MAP3K10: variants seen among roughly 807,000 people sequenced by gnomAD.
MAP3K10 encodes the protein MKN28 derived nonreceptor_type serine/threonine kinase.
Under a neutral mutation model 75.0 loss-of-function variants are expected in MAP3K10, and 22 were observed. That is an observed-to-expected ratio of 0.29 (90% CI 0.21 to 0.42). The LOEUF is 0.42. Among genes scored for constraint, MAP3K10 ranks in the 10% least tolerant of loss-of-function variants. The pLI is 1.00. For synonymous variants in MAP3K10, 599 were observed against 612.9 expected (o/e 0.98, Z 0.34); for missense variants, 1,165 against 1,379.8 (o/e 0.84, Z 2.47).
chr19:40,196,149 A>G (rs1227650017), intron 1 of MAP3K10, among the ~76,000 whole-genome samples: 1 of 152,206 alleles, frequency 6.6e-6, no homozygotes, highest in Admixed American at 6.5e-5. Context: ...AGGGTTATGC[A>G]CCTAGGAAGA....
At chr19:40,194,392 C>G (rs560830860) in intron 1 of MAP3K10, among the ~76,000 whole-genome samples, 1 of 152,076 alleles carries the variant, frequency 6.6e-6, no homozygotes. Flanking sequence ...CACGATGTGC[C>G]AGAGCTGGTG....
In MAP3K10 at chr19:40,213,323, C is replaced by T. The variant is rs573454644; in HGVS notation, c.1837+135C>T. 5.6e-5 allele frequency: 82 copies of T among 1,452,420 alleles called. No homozygotes were observed. The African/African-American group carries it at 9.3e-4, about 16-fold the overall frequency. The allele number at this position is 1,452,420 out of a possible 1,614,324, so 90.0% of individuals were successfully genotyped here. On this transcript the variant is annotated intron_variant, in intron 8 of 9. Coordinates refer to ENST00000253055, the MANE Select transcript of MAP3K10 (RefSeq NM_002446.4). This position sits in a 1 kb window ranked among gnomAD's most constrained non-coding sequence, Gnocchi z 5.7. ...TTCCTGGGAAGGGAGATGGTGGCCC[C>T]TGGGGCGTGGGGGGTCATTTCCAGG...
Position 40,205,313 on chromosome 19 carries a change from A to G in MAP3K10, c.1188+17A>G. The G allele has an allele frequency of 1.2e-6, 2 of 1,613,398 alleles. No homozygotes were observed. The highest frequency in any genetic ancestry group is 1.7e-6 in the Non-Finnish European group (2 of 1,179,704). The stretch of plus-strand genomic sequence containing the variant: ...AAGGAGAAGGTGAAGGCAGGGGGCA[A>G]GGTGGGAAAGATGGAGCAAGACCCC... On this transcript the variant is annotated intron_variant, in intron 4 of 9. Coordinates refer to ENST00000253055, the MANE Select transcript of MAP3K10 (RefSeq NM_002446.4). This position sits in a 1 kb window ranked among gnomAD's most constrained non-coding sequence, Gnocchi z 4.3.
intron 5 of MAP3K10, among the ~76,000 whole-genome samples, chr19:40,207,351 G>C (rs912162963): frequency 2.0e-5 from 3 of 152,140 alleles, no homozygotes; most frequent in Non-Finnish European, 2.9e-5. Flanking sequence ...GCAGTGGCCA[G>C]TGGAAATATA....
At chr19:40,202,109 C>T (rs970599838) in intron 2 of MAP3K10, among the ~76,000 whole-genome samples, 1 of 152,112 alleles carries the variant, frequency 6.6e-6, no homozygotes, top group Non-Finnish European at 1.5e-5. Flanking sequence ...GGCACGATCT[C>T]AGCTCACTGC....
chr19:40,192,483 C>A lies in MAP3K10; in HGVS notation c.452C>A (p.Ala151Asp). 1 of 1,613,848 alleles carries A rather than the reference C, an allele frequency of 6.2e-7. No individual in the cohort carries two copies. Among genetic ancestry groups the A allele is most frequent in the Non-Finnish European group, 8.5e-7 (1 of 1,179,978 alleles). The change falls in exon 1 of 10, where the codon GCC becomes GAC. Residue 151 changes from alanine to aspartate, a missense_variant. Around this residue, in one of 2 missense-constraint regions of MAP3K10, gnomAD observed 575 missense variants for 793.2 expected, o/e 0.72. Coordinates refer to ENST00000253055, the MANE Select transcript of MAP3K10 (RefSeq NM_002446.4). The surrounding 1 kb of genome is among the most constrained non-coding windows in gnomAD (Gnocchi z 7.1). The stretch of plus-strand genomic sequence containing the variant: ...TGCCAGGAAGCCCGGCTCTTTGGAG[C>A]CCTGCAGCACCCCAACATAATTGCC... ...QVCQEARLFG[A>D]LQHPNIIALR...
chr19:40,212,823 G>A lies in MAP3K10; in HGVS notation c.1571G>A (p.Gly524Asp), dbSNP rs768613781. Residue 524 changes from glycine to aspartate, a missense_variant, in exon 7 of 10, where the codon GGT becomes GAT. This residue lies in a region of MAP3K10 where 575 missense variants were observed against 793.2 expected (regional missense o/e 0.72). Transcript: ENST00000253055. This position sits in a 1 kb window ranked among gnomAD's most constrained non-coding sequence, Gnocchi z 4.2. ...RAIRLTPVDCGGSSSGSSSGG... is the reference protein window; with the variant it reads ...RAIRLTPVDCDGSSSGSSSGG... The stretch of plus-strand genomic sequence containing the variant: ...GACCCAGTGACTCCCGTGGACTGTG[G>A]TGGCAGCAGCAGTGGCAGCAGCAGT... 2 of 1,595,980 alleles carry A rather than the reference G, an allele frequency of 1.3e-6. No individual in the cohort carries two copies. Among genetic ancestry groups the A allele is most frequent in the African/African-American group, 2.7e-5 (2 of 74,730 alleles).
intron 2 of MAP3K10, among the ~76,000 whole-genome samples, chr19:40,201,486 C>T (rs1973018846): frequency 7.4e-6 from 1 of 135,398 alleles, no homozygotes; most frequent in African/African-American, 2.8e-5. Flanking sequence ...AGCCACCGCA[C>T]CCAGCCTTTT....
At chr19:40,200,033 G>A (rs558220727) in intron 2 of MAP3K10, among the ~76,000 whole-genome samples, 2 of 151,728 alleles carry the variant, frequency 1.3e-5, no homozygotes, top group Non-Finnish European at 2.9e-5. Context: ...GGTGGCTCAC[G>A]CCTGTAATCC....
rs915172464 is a variant in MAP3K10, at chr19:40,193,532, C to T, written c.682+819C>T. Among the ~76,000 whole-genome samples the T allele has an allele frequency of 2.0e-5, 3 of 152,172 alleles. 1 individual carries two copies. The South Asian group carries it at 6.2e-4, about 31-fold the overall frequency. ...GGTGTCAACAAGTATTAATTGAGCA[C>T]CTATTAAGCAGGAGCCCAGCTGGGA... On this transcript the variant is annotated intron_variant, in intron 1 of 9. Coordinates refer to ENST00000253055, the MANE Select transcript of MAP3K10 (RefSeq NM_002446.4).
chr19:40,214,884 C>G, intron 9 of MAP3K10, 86 bp from the exon 10 acceptor site: 1 of 681,580 alleles, frequency 1.5e-6, no homozygotes. Flanking sequence ...GAAACCAGAA[C>G]TTGTGCTTTT....
At position 40,213,829 on chromosome 19, in the gene MAP3K10, T is replaced by C; in HGVS notation, c.2150T>C (p.Phe717Ser). 1 of 1,320,516 alleles carries C rather than the reference T, an allele frequency of 7.6e-7. No homozygotes were observed. Among genetic ancestry groups the C allele is most frequent in the Non-Finnish European group, 9.7e-7 (1 of 1,034,620 alleles). The allele number at this position is 1,320,516 out of a possible 1,614,324, so 81.8% of individuals were successfully genotyped here. A position where few individuals can be genotyped will look rare whatever the true frequency, so the allele number is the denominator to read the frequency against. Reference protein sequence around the residue: ...DGLFFPRAGRFPRGLSPPARP... With the variant: ...DGLFFPRAGRSPRGLSPPARP... ...CTCTTCTTTCCCCGCGCCGGCCGCT[T>C]CCCGCGGGGCCTCAGCCCACCCGCG... Residue 717 changes from phenylalanine (F) to serine (S), a missense_variant, in exon 9 of 10, where the codon TTC becomes TCC. By Grantham distance (155) the Phe-to-Ser change is radical. This residue lies in a region of MAP3K10 where 590 missense variants were observed against 586.6 expected (regional missense o/e 1.01). Transcript: ENST00000253055. The surrounding 1 kb of genome is among the most constrained non-coding windows in gnomAD (Gnocchi z 5.7).
intron 6 of MAP3K10, among the ~76,000 whole-genome samples, chr19:40,210,062 T>A (rs1973207110): frequency 6.7e-6 from 1 of 149,392 alleles, no homozygotes; most frequent in Admixed American, 6.7e-5. Context: ...GGTCAGGAGA[T>A]CGAGACCATC....
chr19:40,205,428 A>G lies in MAP3K10; in HGVS notation c.1188+132A>G. Reference sequence around the variant, plus strand: ...AGGGTCAAGGGAGCCTTTTTTGCATATTAAGAAAAGACAGCCTCCTGTTGG... The same window carrying G: ...AGGGTCAAGGGAGCCTTTTTTGCATGTTAAGAAAAGACAGCCTCCTGTTGG... On this transcript the variant is annotated intron_variant, in intron 4 of 9. Coordinates refer to ENST00000253055, the MANE Select transcript of MAP3K10 (RefSeq NM_002446.4). The surrounding 1 kb of genome is among the most constrained non-coding windows in gnomAD (Gnocchi z 4.3). The G allele has an allele frequency of 1.1e-6, 1 of 881,986 alleles. No individual in the cohort carries two copies. The highest frequency in any genetic ancestry group is 1.7e-6 in the Non-Finnish European group (1 of 582,520). 54.6% of individuals were successfully genotyped at this position (881,986 alleles called of 1,614,324 possible).
At chr19:40,194,341 G>A (rs1023318228) in intron 1 of MAP3K10, among the ~76,000 whole-genome samples, 1 of 151,928 alleles carries the variant, frequency 6.6e-6, no homozygotes, top group Non-Finnish European at 1.5e-5. Context: ...CTGGGTGACA[G>A]AGCAAGATTC....
intron 1 of MAP3K10, among the ~76,000 whole-genome samples, chr19:40,194,215 G>T (rs911025116): frequency 6.6e-6 from 1 of 152,122 alleles, no homozygotes; most frequent in Non-Finnish European, 1.5e-5. Context: ...ACAAAAATTA[G>T]CTGGGCATGG....
chr19:40,205,057 G>A lies in MAP3K10; in HGVS notation c.1013-64G>A. 8.2e-6 allele frequency: 12 copies of A among 1,465,416 alleles called. No homozygotes were observed. The highest frequency in any genetic ancestry group is 1.1e-5 in the Non-Finnish European group (12 of 1,051,190). The allele number at this position is 1,465,416 out of a possible 1,614,324, so 90.8% of individuals were successfully genotyped here. On this transcript the variant is annotated intron_variant, in intron 3 of 9. Transcript: ENST00000253055. The surrounding 1 kb of genome is among the most constrained non-coding windows in gnomAD (Gnocchi z 4.3). ...TTCTGCCTTCCTCTGAGCAGGCTGA[G>A]TCCCCAGAGCATGACCACTGACACC...
At chr19:40,195,450 T>A (rs1972887152) in intron 1 of MAP3K10, among the ~76,000 whole-genome samples, 1 of 133,850 alleles carries the variant, frequency 7.5e-6, no homozygotes, top group African/African-American at 2.8e-5. Flanking sequence ...CAGGAGGAGG[T>A]AACACTGAAG....
At position 40,204,912 on chromosome 19, in the gene MAP3K10, C is replaced by T. The variant is rs372013846; in HGVS notation, c.1013-209C>T. 3.1e-5 allele frequency: 19 copies of T among 621,320 alleles called. No individual in the cohort carries two copies. Among genetic ancestry groups the T allele is most frequent in the Middle Eastern group, 4.3e-4 (1 of 2,314 alleles). The allele number at this position is 621,320 out of a possible 1,614,324, so 38.5% of individuals were successfully genotyped here. On this transcript the variant is annotated intron_variant, in intron 3 of 9. Transcript: ENST00000253055. The surrounding 1 kb of genome is among the most constrained non-coding windows in gnomAD (Gnocchi z 4.3). ...CCTGATTCCACTACCAGCCCCTCCT[C>T]GGGGTGCAGGTCCCAGGGTTTCTCT...
Sources: allele counts gnomAD v4.1 joint callset (sites outside exome capture counted in the v4.1 genomes callset), GRCh38; gene constraint gnomAD v4.1.1; regional missense constraint gnomAD v4.1.1; non-coding constraint Gnocchi (gnomAD v3.1); transcripts MANE v1.5; gene names NCBI Gene and HGNC (gene_info 2026-07-23, HGNC 2026-07-21).